PCDH11X: variants seen among roughly 807,000 people sequenced by gnomAD.
PCDH11X encodes protocadherin-11 X-linked.
In PCDH11X, 18 loss-of-function variants were observed where a neutral mutation model predicts 53.3. The ratio of observed to expected loss-of-function variants is 0.34; its 90% confidence interval spans 0.23 to 0.50. The LOEUF (loss-of-function observed/expected upper bound fraction) is 0.50, where lower values mean the gene tolerates loss of function less well. PCDH11X is among the 20% of genes least tolerant of loss of function. The pLI is 0.98. For missense variants in PCDH11X, 570 were observed against 1,032.4 expected, an observed-to-expected ratio of 0.55 and a Z score of 6.14; for synonymous variants, 279 against 393.3, an observed-to-expected ratio of 0.71 and a Z score of 3.44.
chrX:91,852,635 G>A lies in PCDH11X; in HGVS notation c.540+16591G>A, dbSNP rs189287545. Among the ~76,000 whole-genome samples the A allele has an allele frequency of 4.3e-3, 472 of 111,050 alleles. 2 individuals carry two copies. The highest frequency in any genetic ancestry group is 0.015 in the African/African-American group (443 of 30,511). ...TGTTGGCCTAGGGCTTCTCAACCTT[G>A]GCATTATTGACATTTGAAGCTAGAT... On this transcript the variant is annotated intron_variant, in intron 5 of 10. Transcript: ENST00000682573.
intron 7 of PCDH11X, among the ~76,000 whole-genome samples, chrX:92,223,547 A>G (rs1263815592): frequency 8.9e-6 from 1 of 111,844 alleles, no homozygotes; most frequent in Non-Finnish European, 1.9e-5. Flanking sequence ...ATCTTCTCTC[A>G]CCTGAAGCAA....
chrX:92,104,216 G>A (rs1345966138), intron 6 of PCDH11X, among the ~76,000 whole-genome samples: 3 of 110,656 alleles, frequency 2.7e-5, no homozygotes, highest in Non-Finnish European at 5.7e-5. Flanking sequence ...AGGAGGGGAG[G>A]CGATAAAAAG....
At chrX:92,450,263 G>T (rs966641008) in intron 9 of PCDH11X, among the ~76,000 whole-genome samples, 1 of 108,662 alleles carries the variant, frequency 9.2e-6, no homozygotes, top group African/African-American at 3.3e-5. Context: ...TCCAGTAGAC[G>T]CTCTTTTAAC....
chrX:92,191,918 A>T (rs1010520062), intron 6 of PCDH11X, among the ~76,000 whole-genome samples: 1 of 111,986 alleles, frequency 8.9e-6, no homozygotes, highest in African/African-American at 3.2e-5. Context: ...CTCCCAGAAC[A>T]GATTTCTCAG....
intron 8 of PCDH11X, among the ~76,000 whole-genome samples, chrX:92,275,253 G>A (rs1028552557): frequency 2.1e-4 from 22 of 103,233 alleles, no homozygotes; most frequent in Non-Finnish European, 4.0e-4. Flanking sequence ...AATTCTGACC[G>A]CACTAACCAT....
chrX:92,551,252 T>A (rs1224687256), intron 10 of PCDH11X, among the ~76,000 whole-genome samples: 1 of 111,879 alleles, frequency 8.9e-6, no homozygotes, highest in Non-Finnish European at 1.9e-5. Flanking sequence ...GCATTTGTTA[T>A]TGCCTGTCTT....
rs1940695333 is a variant in PCDH11X, at chrX:91,895,262, ACCACATAAGC to A, written c.3033+15990_3033+15999del. Among the ~76,000 whole-genome samples the A allele has an allele frequency of 2.7e-5, 3 of 111,429 alleles. No individual in the cohort carries two copies. The South Asian group carries it at 1.1e-3, about 42-fold the overall frequency. ...CTGTGTGGAGAGTAAAGTTTATTTA[ACCACATAAGC>A]TGCTATTCTGAAAATACATTTTTCA... On this transcript the variant is annotated intron_variant, in intron 6 of 10. Coordinates refer to ENST00000682573, the MANE Select transcript of PCDH11X (RefSeq NM_032968.5).
chrX:92,095,404 C>T (rs2064118570), intron 6 of PCDH11X, among the ~76,000 whole-genome samples: 1 of 110,365 alleles, frequency 9.1e-6, no homozygotes, highest in Admixed American at 9.8e-5. Flanking sequence ...AGGTAGGTAC[C>T]CCTGAATAAG....
At chrX:91,815,608 C>A (rs1936427237) in intron 4 of PCDH11X, among the ~76,000 whole-genome samples, 1 of 108,064 alleles carries the variant, frequency 9.3e-6, no homozygotes, top group Non-Finnish European at 1.9e-5. Context: ...TTGGTAATGA[C>A]TATGTGAACA....
At chrX:92,597,312 T>TA (rs142715497) in intron 10 of PCDH11X, among the ~76,000 whole-genome samples, 29,029 of 108,164 alleles carry the variant, frequency 0.27, 3,424 homozygotes, top group African/African-American at 0.41. Context: ...TTAGAACTGA[T>TA]AAAAAAAATT....
intron 9 of PCDH11X, among the ~76,000 whole-genome samples, chrX:92,406,751 G>A (rs2071525683): frequency 2.0e-5 from 2 of 101,757 alleles, no homozygotes; most frequent in Non-Finnish European, 4.0e-5. Flanking sequence ...TGGTGAAACC[G>A]GTCTACAAAA....
At chrX:92,484,167 GTATATATA>G (rs759954092) in intron 10 of PCDH11X, among the ~76,000 whole-genome samples, 2 of 35,096 alleles carry the variant, frequency 5.7e-5, no homozygotes, top group Non-Finnish European at 5.5e-5. Context: ...ATGTATATAT[GTATATATA>G]TGTATGTATA....
chrX:92,066,030 T>A (rs111988635), intron 6 of PCDH11X, among the ~76,000 whole-genome samples: 7,498 of 109,113 alleles, frequency 0.069, 673 homozygotes, highest in African/African-American at 0.24. Flanking sequence ...GATATTTTTG[T>A]AAGGTGAGAG....
chrX:91,840,417 C>A (rs1438188608), intron 5 of PCDH11X, among the ~76,000 whole-genome samples: 1 of 111,445 alleles, frequency 9.0e-6, no homozygotes, highest in African/African-American at 3.3e-5. Flanking sequence ...TTCTACCCAT[C>A]CCATAAGGCA....
intron 9 of PCDH11X, among the ~76,000 whole-genome samples, chrX:92,411,953 G>A (rs150868763): frequency 3.5e-4 from 1 of 2,848 alleles, no homozygotes; most frequent in African/African-American, 5.1e-4. Flanking sequence ...GAGGAGGAGT[G>A]GGAGGAGGAG....
At chrX:92,332,103 A>G (rs1159298471) in intron 8 of PCDH11X, among the ~76,000 whole-genome samples, 2 of 111,763 alleles carry the variant, frequency 1.8e-5, no homozygotes, top group Non-Finnish European at 3.8e-5. Flanking sequence ...ATGCCCTATT[A>G]ATACAGTTAC....
At chrX:91,854,397 C>T (rs1267481611) in intron 5 of PCDH11X, among the ~76,000 whole-genome samples, 2 of 112,406 alleles carry the variant, frequency 1.8e-5, no homozygotes, top group African/African-American at 6.5e-5. Flanking sequence ...ACCCATTCAT[C>T]TGTTGATGAA....
chrX:91,952,006 G>A (rs922882493), intron 6 of PCDH11X, among the ~76,000 whole-genome samples: 13 of 109,790 alleles, frequency 1.2e-4, no homozygotes, highest in African/African-American at 4.3e-4. Context: ...CTTTTCACAA[G>A]TGCTAATGGT....
intron 10 of PCDH11X, among the ~76,000 whole-genome samples, chrX:92,471,280 G>A (rs2073257220): frequency 9.4e-6 from 1 of 106,873 alleles, no homozygotes; most frequent in Admixed American, 1.0e-4. Context: ...TCCTCCAAGA[G>A]ACCCCAGTGT....
Sources: gnomAD v4.1 joint callset for allele counts (sites outside exome capture counted in the v4.1 genomes callset) on GRCh38, gnomAD v4.1.1 for gene constraint, MANE v1.5 for transcripts, NCBI Gene and HGNC (gene_info 2026-07-23, HGNC 2026-07-21) for gene names.